Variants in SKP2 observed in about 807,000 individuals in gnomAD.
The protein encoded by SKP2 is S-phase kinase-associated protein 2.
SKP2 carries 16 observed loss-of-function variants against 51.8 expected under a neutral mutation model. The observed-to-expected ratio is 0.31, with a 90% CI of 0.21 to 0.47. SKP2 has a LOEUF of 0.47. SKP2 is among the 20% of genes least tolerant of loss of function. The probability of loss-of-function intolerance (pLI) is 1.00; values close to 1 mark genes in which losing one functional copy is unlikely to be tolerated. For synonymous variants in SKP2, 176 were observed against 198.6 expected (o/e 0.89, Z 0.96); for missense variants, 377 against 505.3 (o/e 0.75, Z 2.43).
At chr5:36,163,817 T>C in intron 3 of SKP2, 61 bp downstream of exon 3, 3 of 1,152,228 alleles carry the variant, frequency 2.6e-6, no homozygotes, top group Non-Finnish European at 3.9e-6. Context: ...AGGTTATTTA[T>C]TCGTTTTGGT....
chr5:36,178,376 T>TAC (rs1745698885), intron 9 of SKP2, among the ~76,000 whole-genome samples: 1 of 152,138 alleles, frequency 6.6e-6, no homozygotes, highest in Non-Finnish European at 1.5e-5. Flanking sequence ...ATACTTCAGC[T>TAC]ACACAGAGTT....
intron 5 of SKP2, among the ~76,000 whole-genome samples, chr5:36,169,276 C>T (rs978308947): frequency 2.0e-5 from 3 of 152,050 alleles, no homozygotes; most frequent in Non-Finnish European, 4.4e-5. Context: ...GAAATCCTGT[C>T]TCTACTAAAA....
At chr5:36,180,257 G>A in intron 9 of SKP2, 1 of 1,348,048 alleles carries the variant, frequency 7.4e-7, no homozygotes, top group Non-Finnish European at 9.8e-7. Flanking sequence ...TTTCACATGA[G>A]GGATTCAAAG....
rs1020518439 is a variant in SKP2, at chr5:36,183,607, G to C, written c.*1576G>C. ...AAAATCACAAAAACTAGTTTAAATT[G>C]ATGACTTGTTCGTATGTTCAAAATG... On this transcript the variant is annotated 3_prime_UTR_variant, in exon 10 of 10. Coordinates refer to ENST00000274255, the MANE Select transcript of SKP2 (RefSeq NM_005983.4). The C allele has an allele frequency of 1.7e-6, 2 of 1,150,456 alleles. No individual in the cohort carries two copies. Among genetic ancestry groups the C allele is most frequent in the Non-Finnish European group, 2.1e-6 (2 of 937,728 alleles). The allele number at this position is 1,150,456 out of a possible 1,614,324, so 71.3% of individuals were successfully genotyped here.
In SKP2 at chr5:36,183,673, T is replaced by A; in HGVS notation, c.*1642T>A. The A allele has an allele frequency of 8.2e-7, 1 of 1,226,530 alleles. No individual in the cohort carries two copies. The highest frequency in any genetic ancestry group is 1.6e-5 in the African/African-American group (1 of 60,758). The allele number at this position is 1,226,530 out of a possible 1,614,324, so 76.0% of individuals were successfully genotyped here. A position where few individuals can be genotyped will look rare whatever the true frequency, so the allele number is the denominator to read the frequency against. Reference sequence around the variant, plus strand: ...CTAACACCAGTCATTTATATTAACTTTTTTTTTTTAAATCAAAAATTGTTA... The same window carrying A: ...CTAACACCAGTCATTTATATTAACTATTTTTTTTTAAATCAAAAATTGTTA... On this transcript the variant is annotated 3_prime_UTR_variant, in exon 10 of 10. Transcript: ENST00000274255.
chr5:36,155,931 A>G (rs1180518784), intron 2 of SKP2, among the ~76,000 whole-genome samples: 1 of 152,200 alleles, frequency 6.6e-6, no homozygotes, highest in African/African-American at 2.4e-5. Context: ...AATAAAAAAT[A>G]AGAGCTGTGA....
chr5:36,182,152 T>A lies in SKP2; in HGVS notation c.*121T>A. 6.9e-7 allele frequency: 1 copy of A among 1,452,624 alleles called. No individual in the cohort carries two copies. The allele number at this position is 1,452,624 out of a possible 1,614,324, so 90.0% of individuals were successfully genotyped here. A position where few individuals can be genotyped will look rare whatever the true frequency, so the allele number is the denominator to read the frequency against. On this transcript the variant is annotated 3_prime_UTR_variant, in exon 10 of 10. Transcript: ENST00000274255. ...TCCCTTTGCCTTCATTCTGCAAGTA[T>A]ACTAGGGAGCCATTTGAGAGGGAAA...
At chr5:36,153,493 C>A (rs1047589362) in intron 2 of SKP2, among the ~76,000 whole-genome samples, 1 of 152,108 alleles carries the variant, frequency 6.6e-6, no homozygotes, top group Non-Finnish European at 1.5e-5. Flanking sequence ...GAGACATCTC[C>A]CCAGGCCCAC....
intron 3 of SKP2, 56 bp downstream of exon 3, chr5:36,163,812 A>T (rs1228265711): frequency 8.3e-7 from 1 of 1,199,254 alleles, no homozygotes; most frequent in Admixed American, 1.7e-5. Context: ...GAGGAAGGTT[A>T]TTTATTCGTT....
intron 2 of SKP2, among the ~76,000 whole-genome samples, chr5:36,158,230 T>C (rs1443463651): frequency 6.6e-6 from 1 of 152,240 alleles, no homozygotes; most frequent in African/African-American, 2.4e-5. Context: ...AGAAAAGACC[T>C]CTGGATTTTT....
chr5:36,162,918 A>G (rs1473220343), intron 2 of SKP2, among the ~76,000 whole-genome samples: 2 of 152,142 alleles, frequency 1.3e-5, no homozygotes, highest in African/African-American at 4.8e-5. Flanking sequence ...TGCAGAGCAA[A>G]GGGGTCGGGG....
chr5:36,186,589 A>G (rs1257899964), downstream of SKP2, among the ~76,000 whole-genome samples: 3 of 152,308 alleles, frequency 2.0e-5, no homozygotes, highest in East Asian at 3.9e-4. Context: ...CATCCCAGGG[A>G]TGAAGCCCAC....
intron 2 of SKP2, among the ~76,000 whole-genome samples, chr5:36,156,344 T>C (rs1405374947): frequency 6.6e-6 from 1 of 152,136 alleles, no homozygotes; most frequent in Non-Finnish European, 1.5e-5. Flanking sequence ...TTGCCAGGAT[T>C]AGGGTAGAAC....
intron 7 of SKP2, among the ~76,000 whole-genome samples, chr5:36,172,137 TTGTC>T (rs1745496170): frequency 6.6e-6 from 1 of 152,186 alleles, no homozygotes; most frequent in Non-Finnish European, 1.5e-5. Flanking sequence ...ACATTTTTTA[TTGTC>T]ACAGCTGTAG....
chr5:36,178,686 C>G (rs1745709973), intron 9 of SKP2, among the ~76,000 whole-genome samples: 1 of 152,104 alleles, frequency 6.6e-6, no homozygotes, highest in East Asian at 1.9e-4. Flanking sequence ...TGGCCTCCTG[C>G]TTCTTTGCCT....
At chr5:36,165,694 G>A (rs1745262307) in intron 3 of SKP2, among the ~76,000 whole-genome samples, 2 of 152,052 alleles carry the variant, frequency 1.3e-5, no homozygotes, top group Non-Finnish European at 2.9e-5. Context: ...TCATAACTCT[G>A]GCCAGTGGTC....
chr5:36,166,431 G>A, intron 3 of SKP2, 88 bp from the exon 4 acceptor site: 1 of 1,083,754 alleles, frequency 9.2e-7, no homozygotes, highest in Non-Finnish European at 1.4e-6. Flanking sequence ...AGATTTAGCA[G>A]CAGTGTCCTA....
downstream of SKP2, among the ~76,000 whole-genome samples, chr5:36,185,782 C>A (rs1380409787): frequency 6.6e-6 from 1 of 152,106 alleles, no homozygotes; most frequent in Non-Finnish European, 1.5e-5. Flanking sequence ...TTTTGCAATT[C>A]TGTGAAAAAA....
At position 36,152,223 on chromosome 5, in the gene SKP2, G is replaced by C. The variant is rs1488842196; in HGVS notation, c.-40G>C. On this transcript the variant is annotated 5_prime_UTR_variant, in exon 1 of 10. Transcript: ENST00000274255. ...AATCTGGGAGGCGAGCAGCTCTGCA[G>C]TTAATGCACGTATTTTAAACTCCCG... 6.2e-7 allele frequency: 1 copy of C among 1,612,194 alleles called. No homozygotes were observed. Among genetic ancestry groups the C allele is most frequent in the Non-Finnish European group, 8.5e-7 (1 of 1,178,372 alleles).
Sources: allele counts gnomAD v4.1 joint callset (sites outside exome capture counted in the v4.1 genomes callset), GRCh38; gene constraint gnomAD v4.1.1; transcripts MANE v1.5; gene names NCBI Gene and HGNC (gene_info 2026-07-23, HGNC 2026-07-21).